The following MPPED1 variants were observed in gnomAD, a reference collection of about 807,000 sequenced individuals.
The protein encoded by MPPED1 is metallophosphoesterase domain-containing protein 1.
MPPED1 carries 16 observed loss-of-function variants against 36.2 expected under a neutral mutation model. The ratio of observed to expected loss-of-function variants is 0.44; its 90% CI spans 0.30 to 0.67. MPPED1 has a LOEUF of 0.67. Among genes scored for constraint, MPPED1 ranks in the 30% least tolerant of loss-of-function variants. The pLI, the probability that MPPED1 is intolerant of heterozygous loss-of-function variation, is 0.10. For missense variants in MPPED1, 307 were observed against 453.4 expected, an observed-to-expected ratio of 0.68 and a Z score of 2.93; for synonymous variants, 199 against 191.3, an observed-to-expected ratio of 1.04 and a Z score of -0.33.
chr22:43,500,353 TGATGGA>T lies in MPPED1; in HGVS notation c.748+2005_748+2010del, dbSNP rs1569091990. On this transcript the variant is annotated intron_variant, in intron 5 of 6. Transcript: ENST00000443721. ...GTGGTGGAGGTGGTGGTGGTGATGGTGATGGAGGTGGTGATGGGGGTGGTGGTGGTG... is the reference window on the plus strand; with the variant it reads ...GTGGTGGAGGTGGTGGTGGTGATGGTGGTGGTGATGGGGGTGGTGGTGGTG... 8.8e-4 allele frequency among the ~76,000 whole-genome samples: 124 copies of T among 141,232 alleles called. 1 individual carries two copies. Among genetic ancestry groups the T allele is most frequent in the African/African-American group, 3.0e-3 (112 of 37,580 alleles). 92.7% of individuals were successfully genotyped at this position (141,232 alleles called of 152,430 possible). A position where few individuals can be genotyped will look rare whatever the true frequency, so the allele number is the denominator to read the frequency against.
At chr22:43,488,283 G>A (rs539604057) in intron 4 of MPPED1, among the ~76,000 whole-genome samples, 1 of 152,324 alleles carries the variant, frequency 6.6e-6, no homozygotes, top group South Asian at 2.1e-4. Context: ...GAAATGGGGC[G>A]CAGCCAGGGA....
At chr22:43,465,634 G>A (rs995667664) in intron 3 of MPPED1, among the ~76,000 whole-genome samples, 2 of 152,186 alleles carry the variant, frequency 1.3e-5, no homozygotes, top group East Asian at 1.9e-4. Context: ...GTGCTTGTTG[G>A]GGGGCACCCA....
chr22:43,453,820 C>T (rs8141488), intron 3 of MPPED1, among the ~76,000 whole-genome samples: 46,089 of 151,906 alleles, frequency 0.3, 8,681 homozygotes, highest in East Asian at 0.64. Context: ...TCATTTTAGT[C>T]TTTTAAAAGT....
chr22:43,499,905 A>G (rs373529852), intron 5 of MPPED1, among the ~76,000 whole-genome samples: 31 of 6,720 alleles, frequency 4.6e-3, no homozygotes, highest in Admixed American at 5.7e-3. Flanking sequence ...GGTGGTGGTG[A>G]TGGTGATGGA....
intron 2 of MPPED1, among the ~76,000 whole-genome samples, chr22:43,432,519 G>C (rs1335552236): frequency 7.8e-6 from 1 of 128,096 alleles, no homozygotes; most frequent in Non-Finnish European, 1.6e-5. Context: ...AAGAGAAAGG[G>C]AGGAGAGAGA....
chr22:43,495,504 AGGTGGTGGT>A (rs1433367373), intron 4 of MPPED1, among the ~76,000 whole-genome samples: 1 of 9,572 alleles, frequency 1.0e-4, no homozygotes, highest in Non-Finnish European at 1.7e-4. Context: ...GTGGTGGTGG[AGGTGGTGGT>A]GGTGGTGGAG....
At chr22:43,473,751 G>C (rs953922319) in intron 3 of MPPED1, among the ~76,000 whole-genome samples, 3 of 152,134 alleles carry the variant, frequency 2.0e-5, no homozygotes, top group Non-Finnish European at 4.4e-5. Flanking sequence ...AACAGCTGTG[G>C]TGGTCTTGCG....
chr22:43,504,920 A>T (rs1932778924), intron 6 of MPPED1, among the ~76,000 whole-genome samples: 1 of 150,580 alleles, frequency 6.6e-6, no homozygotes, highest in African/African-American at 2.4e-5. Flanking sequence ...GGTGATAGTG[A>T]TGATGATGGC....
intron 1 of MPPED1, among the ~76,000 whole-genome samples, chr22:43,415,225 C>CAAAAAAA (rs34357060): frequency 2.1e-3 from 104 of 49,258 alleles, no homozygotes; most frequent in South Asian, 2.5e-3. Flanking sequence ...ATGTCAAAAG[C>CAAAAAAA]AAAAAAAAAA....
chr22:43,448,979 C>T (rs1195588709), intron 3 of MPPED1, among the ~76,000 whole-genome samples: 1 of 151,720 alleles, frequency 6.6e-6, no homozygotes, highest in Non-Finnish European at 1.5e-5. Context: ...CCCTGCCAGC[C>T]CCTGACTCTT....
intron 4 of MPPED1, among the ~76,000 whole-genome samples, chr22:43,490,149 C>T (rs1301573594): frequency 6.6e-6 from 1 of 152,176 alleles, no homozygotes; most frequent in East Asian, 1.9e-4. Flanking sequence ...GGCTCTGGGC[C>T]CCCGGACCCA....
chr22:43,469,194 C>T lies in MPPED1; in HGVS notation c.407-5542C>T, dbSNP rs1462909351. Among the ~76,000 whole-genome samples the T allele has an allele frequency of 5.9e-5, 9 of 152,252 alleles. No individual in the cohort carries two copies. In the South Asian group the frequency reaches 1.2e-3, roughly 21 times the overall value. On this transcript the variant is annotated intron_variant, in intron 3 of 6. Transcript: ENST00000443721. ...TCCCATCAGGGCAATGGGGAAGCTC[C>T]GCTGTGTGTCAGCCGTCTTACCTGC...
At chr22:43,484,178 A>G (rs1931838613) in intron 4 of MPPED1, among the ~76,000 whole-genome samples, 2 of 152,220 alleles carry the variant, frequency 1.3e-5, no homozygotes, top group South Asian at 4.1e-4. Flanking sequence ...TTGTTTGGGC[A>G]GGTGAGGCAA....
intron 3 of MPPED1, among the ~76,000 whole-genome samples, chr22:43,462,076 C>T (rs1357702321): frequency 2.6e-5 from 4 of 152,112 alleles, no homozygotes; most frequent in East Asian, 1.9e-4. Flanking sequence ...CTCAGAATCT[C>T]GGAGGAATCA....
At chr22:43,462,876 C>T (rs1397154707) in intron 3 of MPPED1, among the ~76,000 whole-genome samples, 1 of 152,202 alleles carries the variant, frequency 6.6e-6, no homozygotes, top group African/African-American at 2.4e-5. Context: ...CAATGGTTTC[C>T]TTTTTCTTGG....
At chr22:43,503,188 A>T (rs117672612) in intron 6 of MPPED1, among the ~76,000 whole-genome samples, 2 of 152,182 alleles carry the variant, frequency 1.3e-5, no homozygotes, top group Non-Finnish European at 2.9e-5. Flanking sequence ...TAGGTGCTTA[A>T]TAAGTGTGGA....
At chr22:43,488,090 T>TG (rs912401668) in intron 4 of MPPED1, among the ~76,000 whole-genome samples, 4 of 151,938 alleles carry the variant, frequency 2.6e-5, no homozygotes, top group Admixed American at 6.6e-5. Context: ...CTGCCTCTCT[T>TG]GGGGGGGTGT....
intron 4 of MPPED1, among the ~76,000 whole-genome samples, chr22:43,491,780 G>A (rs1013855700): frequency 3.3e-5 from 5 of 149,368 alleles, no homozygotes; most frequent in Admixed American, 1.3e-4. Context: ...TGGTAATGGA[G>A]GTGGTGGTAA....
intron 3 of MPPED1, among the ~76,000 whole-genome samples, chr22:43,441,853 G>T (rs1389130300): frequency 1.3e-5 from 2 of 152,224 alleles, no homozygotes; most frequent in African/African-American, 4.8e-5. Context: ...GTCTGAGGCT[G>T]CAGGGGGTTT....
Sources: gnomAD v4.1 joint callset for allele counts (sites outside exome capture counted in the v4.1 genomes callset) on GRCh38, gnomAD v4.1.1 for gene constraint, MANE v1.5 for transcripts, NCBI Gene and HGNC (gene_info 2026-07-23, HGNC 2026-07-21) for gene names.